Variants in MTUS2 observed in about 807,000 individuals in gnomAD.
The protein encoded by MTUS2 is microtubule associated scaffold protein 2, also known as microtubule-associated tumor suppressor candidate 2.
In MTUS2, 40 loss-of-function variants were observed where a neutral mutation model predicts 114.1. The observed-to-expected ratio is 0.35, with a 90% CI of 0.27 to 0.46. The LOEUF is 0.46. Among genes scored for constraint, MTUS2 ranks in the 20% least tolerant of loss-of-function variants. The pLI is 1.00. For missense variants in MTUS2, 1,679 were observed against 1,705.4 expected (o/e 0.98, Z 0.27); for synonymous variants, 688 against 672.0 (o/e 1.02, Z -0.37).
chr13:29,021,939 G>A (rs1264035679), intron 2 of MTUS2, among the ~76,000 whole-genome samples: 1 of 152,170 alleles, frequency 6.6e-6, no homozygotes, highest in Non-Finnish European at 1.5e-5. Context: ...GCTTAGTGGA[G>A]ATAAGGCTGG....
At chr13:29,372,515 T>TG (rs1871275560) in intron 8 of MTUS2, among the ~76,000 whole-genome samples, 1 of 8,934 alleles carries the variant, frequency 1.1e-4, no homozygotes, top group Non-Finnish European at 3.3e-3. Context: ...ATCAACACTC[T>TG]ACCTACACCT....
At chr13:29,478,890 G>A (rs1316322145) in intron 9 of MTUS2, among the ~76,000 whole-genome samples, 1 of 152,116 alleles carries the variant, frequency 6.6e-6, no homozygotes, top group African/African-American at 2.4e-5. Flanking sequence ...TCACACAAGG[G>A]CAAGGTGCCT....
intron 5 of MTUS2, among the ~76,000 whole-genome samples, chr13:29,150,205 G>A (rs1458189760): frequency 3.3e-5 from 5 of 152,116 alleles, no homozygotes; most frequent in Non-Finnish European, 7.4e-5. Context: ...GCAGTGGTTT[G>A]TAGTTCTCCT....
At chr13:29,124,354 A>G (rs1310456615) in intron 5 of MTUS2, among the ~76,000 whole-genome samples, 1 of 152,206 alleles carries the variant, frequency 6.6e-6, no homozygotes, top group African/African-American at 2.4e-5. Flanking sequence ...AAAGAAGTAG[A>G]GATATGAAAA....
Position 29,149,427 on chromosome 13 carries a change from C to T in MTUS2, c.2644+48457C>T, listed in dbSNP as rs556077056. Reference sequence around the variant, plus strand: ...TCCTTGTAGATACTGGATATTAGTCCTTTGTCAGATGGATAGATTACACAT... The same window carrying T: ...TCCTTGTAGATACTGGATATTAGTCTTTTGTCAGATGGATAGATTACACAT... On this transcript the variant is annotated intron_variant, in intron 5 of 15. Coordinates refer to ENST00000612955, the MANE Select transcript of MTUS2 (RefSeq NM_001033602.4). 3.9e-5 allele frequency among the ~76,000 whole-genome samples: 6 copies of T among 152,188 alleles called. No individual in the cohort carries two copies. In the South Asian group the frequency reaches 1.0e-3, roughly 26 times the overall value.
chr13:29,206,564 C>T (rs1396493677), intron 5 of MTUS2, among the ~76,000 whole-genome samples: 7 of 152,064 alleles, frequency 4.6e-5, no homozygotes, highest in Non-Finnish European at 1.0e-4. Flanking sequence ...GTCTTTAATC[C>T]ATCTTGAGTT....
At chr13:29,407,508 G>A (rs1389156162) in intron 8 of MTUS2, among the ~76,000 whole-genome samples, 1 of 148,356 alleles carries the variant, frequency 6.7e-6, no homozygotes, top group East Asian at 2.0e-4. Flanking sequence ...ATGGAGTTTC[G>A]CTCTTGTTGC....
chr13:29,498,645 T>G, intron 14 of MTUS2, 108 bp downstream of exon 14: 1 of 1,427,666 alleles, frequency 7.0e-7, no homozygotes, highest in Non-Finnish European at 9.5e-7. Context: ...ACCTGCCCAT[T>G]GCTTACACCC....
In MTUS2 at chr13:29,497,370, G is replaced by C. The variant is rs374695834; in HGVS notation, c.3678+34G>C. ...TGGATTCCAGGCTTCCAGCCCCGCA[G>C]GAACCCCGCCCCAGCAAGGCCGAGG... On this transcript the variant is annotated intron_variant, in intron 13 of 15. Transcript: ENST00000612955. 3 of 1,579,912 alleles carry C rather than the reference G, an allele frequency of 1.9e-6. No individual in the cohort carries two copies. In the African/African-American group the frequency reaches 4.1e-5, roughly 21 times the overall value.
At chr13:29,497,196 C>A in intron 12 of MTUS2, 42 bp from the exon 13 acceptor site, 1 of 1,564,026 alleles carries the variant, frequency 6.4e-7, no homozygotes, top group South Asian at 1.1e-5. Context: ...TGGCTGCTGT[C>A]TGTAGTGGCC....
At chr13:29,428,840 G>C (rs760840820) in intron 8 of MTUS2, 5 of 1,613,758 alleles carry the variant, frequency 3.1e-6, no homozygotes, top group Non-Finnish European at 4.2e-6. Context: ...CCAGCCTGCC[G>C]GGATGGGCCA....
chr13:28,954,709 G>A (rs9579252), intron 2 of MTUS2, among the ~76,000 whole-genome samples: 14 of 152,260 alleles, frequency 9.2e-5, no homozygotes, highest in South Asian at 2.1e-4. Flanking sequence ...AAGCACACAC[G>A]CATGTGCAAT....
intron 2 of MTUS2, among the ~76,000 whole-genome samples, chr13:29,007,781 TA>T (rs1207568878): frequency 1.3e-5 from 2 of 152,244 alleles, no homozygotes; most frequent in African/African-American, 4.8e-5. Flanking sequence ...TGTAATAACA[TA>T]ATATATAACG....
Position 29,017,714 on chromosome 13 carries a change from A to C in MTUS2, c.-242-6743A>C, listed in dbSNP as rs542851231. On this transcript the variant is annotated intron_variant, in intron 2 of 15. Coordinates refer to ENST00000612955, the MANE Select transcript of MTUS2 (RefSeq NM_001033602.4). ...CATCTTGAAAGATTGAAAAAAAAAA[A>C]AACTCACATTGTAGTGAACATTTCA... 1.3e-4 allele frequency among the ~76,000 whole-genome samples: 20 copies of C among 151,982 alleles called. 1 individual carries two copies. The South Asian group carries it at 3.5e-3, about 27-fold the overall frequency.
In MTUS2 at chr13:29,100,986, C is replaced by T. The variant is rs1267789711; in HGVS notation, c.2644+16C>T. ...CCAGCCACCCGTAAGTGGGGTGGGGCAGGGTGGGGTGCCTTCACTGAATTA... is the reference window on the plus strand; with the variant it reads ...CCAGCCACCCGTAAGTGGGGTGGGGTAGGGTGGGGTGCCTTCACTGAATTA... On this transcript the variant is annotated intron_variant, in intron 5 of 15. Transcript: ENST00000612955. The T allele has an allele frequency of 7.2e-6, 11 of 1,534,812 alleles. No individual in the cohort carries two copies. Among genetic ancestry groups the T allele is most frequent in the Non-Finnish European group, 9.7e-6 (11 of 1,136,764 alleles).
intron 9 of MTUS2, among the ~76,000 whole-genome samples, chr13:29,470,803 C>T (rs572932318): frequency 3.9e-5 from 6 of 152,268 alleles, no homozygotes; most frequent in East Asian, 1.9e-4. Flanking sequence ...TCTTTCTCTC[C>T]GCAGTATGCT....
At position 29,190,764 on chromosome 13, in the gene MTUS2, A is replaced by G. The variant is rs1894414536; in HGVS notation, c.2644+89794A>G. 2.6e-5 allele frequency among the ~76,000 whole-genome samples: 4 copies of G among 152,224 alleles called. No homozygotes were observed. The South Asian group carries it at 8.3e-4, about 31-fold the overall frequency. ...TAGTCTCTTTCAGTACTTTCCAGGC[A>G]GGATGATGGTATTATGGTCCTCTCT... On this transcript the variant is annotated intron_variant, in intron 5 of 15. Transcript: ENST00000612955.
intron 5 of MTUS2, among the ~76,000 whole-genome samples, chr13:29,104,965 A>G (rs1443265948): frequency 1.3e-5 from 2 of 152,230 alleles, no homozygotes; most frequent in Non-Finnish European, 2.9e-5. Flanking sequence ...TAGTGTCGGA[A>G]ACATACTATT....
At chr13:29,371,815 G>T (rs1298615129) in intron 8 of MTUS2, among the ~76,000 whole-genome samples, 1 of 152,100 alleles carries the variant, frequency 6.6e-6, no homozygotes, top group Non-Finnish European at 1.5e-5. Context: ...AAGAGAAGTT[G>T]TTCCTTGCCA....
Sources: gnomAD v4.1 joint callset for allele counts (sites outside exome capture counted in the v4.1 genomes callset) on GRCh38, gnomAD v4.1.1 for gene constraint, MANE v1.5 for transcripts, NCBI Gene and HGNC (gene_info 2026-07-23, HGNC 2026-07-21) for gene names.